The following LAMB3 variants were observed in gnomAD, a reference collection of about 807,000 sequenced individuals.
LAMB3 encodes the protein laminin subunit beta 3.
A neutral mutation model predicts 140.3 loss-of-function variants in LAMB3; 104 were observed. The observed-to-expected ratio is 0.74, with a 90% CI of 0.63 to 0.87. LAMB3 has a LOEUF of 0.87. Ranked by LOEUF, LAMB3 falls within the 40% of genes least tolerant of loss-of-function variation. LAMB3 has a pLI of 0.00. For missense variants in LAMB3, 1,531 were observed against 1,575.2 expected (o/e 0.97, Z 0.47); for synonymous variants, 592 against 602.9 (o/e 0.98, Z 0.26).
chr1:209,632,856 C>T, intron 7 of LAMB3, 80 bp from the exon 8 acceptor site: 1 of 1,387,868 alleles, frequency 7.2e-7, no homozygotes, highest in Non-Finnish European at 1.0e-6. Context: ...ATAGAGTCTC[C>T]TTCATATGTG....
At chr1:209,617,822 G>T in intron 20 of LAMB3, 85 bp downstream of exon 20, 1 of 1,549,708 alleles carries the variant, frequency 6.5e-7, no homozygotes, top group Non-Finnish European at 8.9e-7. Flanking sequence ...GTTTTATCTA[G>T]TCACTTTCTG....
intron 1 of LAMB3, among the ~76,000 whole-genome samples, chr1:209,652,049 A>G (rs1035286438): frequency 6.6e-6 from 1 of 152,078 alleles, no homozygotes; most frequent in Non-Finnish European, 1.5e-5. Context: ...TCTGACTTTC[A>G]TCCAGTGCTT....
rs754718266 is a variant in LAMB3, at chr1:209,633,045, GGACAAGAGAAGTAACCACACT to G, written c.628+4_628+24del. 6.5e-7 allele frequency: 1 copy of G among 1,541,808 alleles called. No homozygotes were observed. The highest frequency in any genetic ancestry group is 9.0e-7 in the Non-Finnish European group (1 of 1,114,206). On this transcript the variant is annotated splice_donor_5th_base_variant and intron_variant, in intron 7 of 22. Transcript: ENST00000356082. Reference sequence around the variant, plus strand: ...TTTCCTTTCCCACCCATAGTTCCATGGACAAGAGAAGTAACCACACTGACCTTGAATTTTTTGACTTTGAGT... The same window carrying G: ...TTTCCTTTCCCACCCATAGTTCCATGGACCTTGAATTTTTTGACTTTGAGT...
intron 2 of LAMB3, 107 bp downstream of exon 2, chr1:209,650,810 C>G (rs2076559870): frequency 9.6e-7 from 1 of 1,037,158 alleles, no homozygotes; most frequent in Admixed American, 1.7e-5. Flanking sequence ...ACTGAAGGGA[C>G]TACAGGTGAC....
At position 209,642,107 on chromosome 1, in the gene LAMB3, C is replaced by T. The variant is rs995237651; in HGVS notation, c.184-3459G>A. Among the ~76,000 whole-genome samples, 14 of 151,950 alleles carry T rather than the reference C, an allele frequency of 9.2e-5. 1 individual carries two copies. Among genetic ancestry groups the T allele is most frequent in the South Asian group, 4.1e-4 (2 of 4,822 alleles). ...CGGAAATGCCCCTGATACTCCCAAA[C>T]GACAGGATATTATGTAACTATTAAA... On this transcript the variant is annotated intron_variant, in intron 3 of 22. Transcript: ENST00000356082.
At chr1:209,622,935 T>C (rs774592051) in intron 17 of LAMB3, 47 bp downstream of exon 17, 3 of 1,598,086 alleles carry the variant, frequency 1.9e-6, no homozygotes, top group East Asian at 4.5e-5. Flanking sequence ...GGATCTATCC[T>C]GTCTGCCTCC....
chr1:209,638,908 G>A (rs749329046), intron 3 of LAMB3, among the ~76,000 whole-genome samples: 4 of 151,206 alleles, frequency 2.6e-5, no homozygotes, highest in Admixed American at 6.6e-5. Flanking sequence ...GAAGAGGTAC[G>A]AGGTGGGAAA....
At chr1:209,630,281 T>A (rs561240880) in intron 9 of LAMB3, among the ~76,000 whole-genome samples, 2 of 152,250 alleles carry the variant, frequency 1.3e-5, no homozygotes, top group East Asian at 3.9e-4. Flanking sequence ...AGAATCTCTG[T>A]TTTCCTCATT....
intron 18 of LAMB3, among the ~76,000 whole-genome samples, chr1:209,619,766 T>C (rs714971): frequency 0.032 from 4,941 of 152,282 alleles, 295 homozygotes; most frequent in East Asian, 0.27. Flanking sequence ...CAGGCCCAGT[T>C]TCACTCTACA....
chr1:209,626,928 G>T lies in LAMB3; in HGVS notation c.1536C>A (p.Ser512Arg), dbSNP rs375260663. ...CREGFGGLMC[S>R]AAAIRQCPDR... ...CTGGACACTGGCGGATGGCTGCAGC[G>T]CTGCACATCAGGCCACCAAAGCCTT... Residue 512 changes from serine (S) to arginine (R), a missense_variant, in exon 13 of 23, where the codon AGC (serine) becomes AGA (arginine). Transcript: ENST00000356082. 5.0e-6 allele frequency: 8 copies of T among 1,613,826 alleles called. No homozygotes were observed. Among genetic ancestry groups the T allele is most frequent in the Middle Eastern group, 1.6e-4 (1 of 6,062 alleles).
In LAMB3 at chr1:209,617,446, C is replaced by T. The variant is rs115239928; in HGVS notation, c.3192G>A (p.Ala1064=). 1.8e-4 allele frequency: 292 copies of T among 1,613,148 alleles called. No individual in the cohort carries two copies. The highest frequency in any genetic ancestry group is 2.2e-4 in the Non-Finnish European group (262 of 1,180,042). Residue 1064 remains alanine, a synonymous_variant, in exon 21 of 23, where the codon GCG becomes GCA. Coordinates refer to ENST00000356082, the MANE Select transcript of LAMB3 (RefSeq NM_000228.3). ...GAEAVQAQQL[A]EGASEQALSA... ...TCAATGCCTGCTCGCTGGCACCTTC[C>T]GCAAGCTGCTGGGCCTGGACTGCCT... is the stretch of plus-strand genomic sequence containing the variant.
At chr1:209,641,897 C>T (rs929182128) in intron 3 of LAMB3, among the ~76,000 whole-genome samples, 21 of 152,166 alleles carry the variant, frequency 1.4e-4, no homozygotes, top group Admixed American at 4.6e-4. Context: ...TTTCCACTCC[C>T]GTCCTCTGTC....
At chr1:209,633,752 C>T (rs1666781897) in intron 6 of LAMB3, among the ~76,000 whole-genome samples, 1 of 152,216 alleles carries the variant, frequency 6.6e-6, no homozygotes, top group Non-Finnish European at 1.5e-5. Flanking sequence ...GAGGGCCCCA[C>T]TCTGAGCATC....
chr1:209,627,375 C>T lies in LAMB3; in HGVS notation c.1485+8G>A, dbSNP rs761156179. 1.3e-5 allele frequency: 21 copies of T among 1,609,710 alleles called. No homozygotes were observed. In the African/African-American group the frequency reaches 1.3e-4, roughly 10 times the overall value. On this transcript the variant is annotated splice_region_variant and intron_variant, in intron 12 of 22. Coordinates refer to ENST00000356082, the MANE Select transcript of LAMB3 (RefSeq NM_000228.3). ...TGAGGGGGCCCCCGGACCACCCTCA[C>T]TTCGTACCTGGTTGCACTGTGGGCT...
intron 11 of LAMB3, 148 bp from the exon 12 acceptor site, chr1:209,627,727 G>T: frequency 2.4e-6 from 2 of 820,112 alleles, no homozygotes; most frequent in Non-Finnish European, 4.0e-6. Flanking sequence ...CAGGACCCCT[G>T]CGCTGTCCCA....
chr1:209,646,416 T>C (rs918839613), intron 3 of LAMB3, among the ~76,000 whole-genome samples: 2 of 152,062 alleles, frequency 1.3e-5, no homozygotes, highest in South Asian at 2.1e-4. Flanking sequence ...CATGGAAAAA[T>C]GGTGGTTTGG....
intron 8 of LAMB3, 23 bp downstream of exon 8, chr1:209,632,560 C>A: frequency 6.2e-7 from 1 of 1,608,106 alleles, no homozygotes; most frequent in Non-Finnish European, 8.5e-7. Flanking sequence ...CCTTCCTCTC[C>A]CCTTCCCACC....
intron 8 of LAMB3, among the ~76,000 whole-genome samples, chr1:209,631,932 C>T (rs990597129): frequency 6.6e-6 from 1 of 152,228 alleles, no homozygotes; most frequent in African/African-American, 2.4e-5. Flanking sequence ...AGCTGTCACG[C>T]TCCCATGTTG....
At chr1:209,634,681 T>A in intron 5 of LAMB3, 43 bp from the exon 6 acceptor site, 1 of 1,508,332 alleles carries the variant, frequency 6.6e-7, no homozygotes, top group Non-Finnish European at 9.1e-7. Context: ...GCACTGGGGC[T>A]GTGCCCCGTG....
Sources: allele counts gnomAD v4.1 joint callset (sites outside exome capture counted in the v4.1 genomes callset), GRCh38; gene constraint gnomAD v4.1.1; transcripts MANE v1.5; gene names NCBI Gene and HGNC (gene_info 2026-07-23, HGNC 2026-07-21).